KIF17: variants seen among roughly 807,000 people sequenced by gnomAD.
KIF17 encodes the protein kinesin-like protein KIF17.
In KIF17, 80 loss-of-function variants were observed where a neutral mutation model predicts 96.8. That is an observed-to-expected ratio of 0.83 (90% CI 0.69 to 1.00). KIF17 has a LOEUF of 1.00. KIF17 is among the 50% of genes least tolerant of loss of function. The pLI is 0.00. For synonymous variants in KIF17, 567 were observed against 587.5 expected, an observed-to-expected ratio of 0.97 and a Z score of 0.51; for missense variants, 1,280 against 1,372.9, an observed-to-expected ratio of 0.93 and a Z score of 1.07.
In KIF17 at chr1:20,700,753, CT is replaced by C. The variant is rs1337579899; in HGVS notation, c.1124-2266del. Among the ~76,000 whole-genome samples, 2 of 152,180 alleles carry C rather than the reference CT, an allele frequency of 1.3e-5. No individual in the cohort carries two copies. The highest frequency in any genetic ancestry group is 4.8e-5 in the African/African-American group (2 of 41,428). The stretch of plus-strand genomic sequence containing the variant: ...GTAAACCACGAGTCAGTGAGTCCAT[CT>C]TTGGTATATAAACCAGCCGAACCCG... On this transcript the variant is annotated intron_variant, in intron 5 of 14. Transcript: ENST00000400463. This position sits in a 1 kb window ranked among gnomAD's most constrained non-coding sequence, Gnocchi z 4.6.
intron 11 of KIF17, among the ~76,000 whole-genome samples, chr1:20,673,377 TTTTGTTTG>T (rs35008753): frequency 6.3e-4 from 95 of 150,590 alleles, no homozygotes; most frequent in Non-Finnish European, 1.2e-3. Flanking sequence ...GTTCCATTTC[TTTTGTTTG>T]TTTGTTTGTT....
At position 20,704,929 on chromosome 1, in the gene KIF17, G is replaced by C; in HGVS notation, c.671-30C>G. 6.3e-7 allele frequency: 1 copy of C among 1,585,194 alleles called. No individual in the cohort carries two copies. Among genetic ancestry groups the C allele is most frequent in the Non-Finnish European group, 8.6e-7 (1 of 1,168,296 alleles). ...ACACAGACCAGGCAAAGTGGCGAGG[G>C]CCTCGGGTGAGCCCTATGTATCGAG... is the stretch of plus-strand genomic sequence containing the variant. On this transcript the variant is annotated intron_variant, in intron 4 of 14. Coordinates refer to ENST00000400463, the MANE Select transcript of KIF17 (RefSeq NM_001122819.3). This position sits in a 1 kb window ranked among gnomAD's most constrained non-coding sequence, Gnocchi z 6.8.
rs147080288 is a variant in KIF17 at position 20,704,545 on chromosome 1, T to C, written c.1025A>G (p.Asn342Ser). 2.0e-5 allele frequency: 33 copies of C among 1,614,204 alleles called. No individual in the cohort carries two copies. The African/African-American group carries it at 2.9e-4, about 14-fold the overall frequency. ...AAGCAGCGCATCCTTGGGGTCCTCA[T>C]TGATGCGCGGCTTGTTCCTGATGTT... ...AKNIRNKPRINEDPKDALLRE... is the reference protein window; with the variant it reads ...AKNIRNKPRISEDPKDALLRE... Residue 342 changes from asparagine to serine, a missense_variant, in exon 5 of 15, where the codon AAT (asparagine) becomes AGT (serine). Physicochemically the swap from Asn to Ser is conservative, Grantham distance 46. Transcript: ENST00000400463. This position sits in a 1 kb window ranked among gnomAD's most constrained non-coding sequence, Gnocchi z 6.8.
intron 4 of KIF17, among the ~76,000 whole-genome samples, chr1:20,707,012 C>T (rs528003740): frequency 6.6e-6 from 1 of 151,964 alleles, no homozygotes; most frequent in South Asian, 2.1e-4. Context: ...GGGAGGGATG[C>T]TTGAGCCCAG....
chr1:20,666,370 T>C (rs2053528886), intron 13 of KIF17, 39 bp from the exon 14 acceptor site: 4 of 1,511,054 alleles, frequency 2.6e-6, no homozygotes, highest in Non-Finnish European at 3.7e-6. Context: ...GTCCCCTTGT[T>C]TGTGCCCCTG....
At position 20,712,835 on chromosome 1, in the gene KIF17, ATTATAG is replaced by A. The variant is rs1349240278; in HGVS notation, c.480+613_480+618del. 5.3e-4 allele frequency among the ~76,000 whole-genome samples: 13 copies of A among 24,350 alleles called. 2 individuals are homozygous for A. The South Asian group carries it at 7.4e-3, about 14-fold the overall frequency. The allele number at this position is 24,350 out of a possible 152,430, so 16.0% of individuals were successfully genotyped here. A position where few individuals can be genotyped will look rare whatever the true frequency, so the allele number is the denominator to read the frequency against. On this transcript the variant is annotated intron_variant, in intron 3 of 14. Transcript: ENST00000400463. ...TATATATAATATAGATATTATCTAT[ATTATAG>A]ATATAGATAATATTATCTATATTAT...
chr1:20,681,380 C>T (rs554852802), intron 11 of KIF17, among the ~76,000 whole-genome samples: 16 of 151,622 alleles, frequency 1.1e-4, no homozygotes, highest in Middle Eastern at 3.4e-3. Flanking sequence ...TTAGTAGAGA[C>T]GGCATTTCAC....
intron 3 of KIF17, among the ~76,000 whole-genome samples, chr1:20,712,842 A>ATATTATCTATAT (rs1557607003): frequency 4.8e-4 from 6 of 12,500 alleles, no homozygotes; most frequent in East Asian, 6.5e-3. Context: ...TATATTATAG[A>ATATTATCTATAT]TATAGATAAT....
At position 20,685,993 on chromosome 1, in the gene KIF17, A is replaced by G. The variant is rs1360941171; in HGVS notation, c.2019+53T>C. On this transcript the variant is annotated intron_variant, in intron 9 of 14. Coordinates refer to ENST00000400463, the MANE Select transcript of KIF17 (RefSeq NM_001122819.3). The surrounding 1 kb of genome is among the most constrained non-coding windows in gnomAD (Gnocchi z 4.1). ...GGGAGAAGACAAGCTGGAGTTTCCC[A>G]GGAAGTTGAAGAGAACCCCGTCCCC... The G allele has an allele frequency of 7.2e-7, 1 of 1,398,100 alleles. No individual in the cohort carries two copies. Among genetic ancestry groups the G allele is most frequent in the African/African-American group, 1.4e-5 (1 of 69,476 alleles). The allele number at this position is 1,398,100 out of a possible 1,614,324, so 86.6% of individuals were successfully genotyped here. A position where few individuals can be genotyped will look rare whatever the true frequency, so the allele number is the denominator to read the frequency against.
intron 14 of KIF17, among the ~76,000 whole-genome samples, chr1:20,665,866 G>GT (rs1557578591): frequency 1.3e-5 from 2 of 152,208 alleles, no homozygotes; most frequent in Non-Finnish European, 2.9e-5. Flanking sequence ...CAATGCTGGC[G>GT]TGTGACTCGC....
At chr1:20,665,003 C>G (rs942990781) in intron 14 of KIF17, among the ~76,000 whole-genome samples, 3 of 152,164 alleles carry the variant, frequency 2.0e-5, no homozygotes, top group African/African-American at 7.2e-5. Context: ...TTTAAAGCAT[C>G]AGACTGAGGC....
rs12757034 is a variant in KIF17, at chr1:20,700,008, C to T, written c.1124-1520G>A. On this transcript the variant is annotated intron_variant, in intron 5 of 14. Transcript: ENST00000400463. This position sits in a 1 kb window ranked among gnomAD's most constrained non-coding sequence, Gnocchi z 4.6. ...GGGTTAGGCACGAGGAGACCCGTTG[C>T]GGGGGCGTGCAGAAACTCAGTCTGG... Among the ~76,000 whole-genome samples, 1 of 152,058 alleles carries T rather than the reference C, an allele frequency of 6.6e-6. No homozygotes were observed. The highest frequency in any genetic ancestry group is 2.4e-5 in the African/African-American group (1 of 41,368).
At chr1:20,665,293 T>TGTCAGCTCACTGC (rs2053507529) in intron 14 of KIF17, among the ~76,000 whole-genome samples, 1 of 144,706 alleles carries the variant, frequency 6.9e-6, no homozygotes, top group Non-Finnish European at 1.5e-5. Flanking sequence ...AGTGGCACTG[T>TGTCAGCTCACTGC]GTCAGCTCAC....
At chr1:20,689,991 T>A (rs1025546083) in intron 7 of KIF17, among the ~76,000 whole-genome samples, 197 bp downstream of exon 7, 2 of 152,192 alleles carry the variant, frequency 1.3e-5, no homozygotes, top group African/African-American at 4.8e-5. Flanking sequence ...ATGGGCAAGT[T>A]ACCTACCCTC....
chr1:20,671,778 G>T (rs2053651390), intron 12 of KIF17, among the ~76,000 whole-genome samples, 160 bp downstream of exon 12: 1 of 152,156 alleles, frequency 6.6e-6, no homozygotes, highest in Non-Finnish European at 1.5e-5. Flanking sequence ...TCTGCCTCCA[G>T]AACACACCAC....
At chr1:20,702,857 G>A (rs1428898559) in intron 5 of KIF17, among the ~76,000 whole-genome samples, 1 of 152,146 alleles carries the variant, frequency 6.6e-6, no homozygotes, top group Non-Finnish European at 1.5e-5. Flanking sequence ...TGCATGTGAT[G>A]GTCCATTGGA....
chr1:20,682,747 T>C lies in KIF17; in HGVS notation c.2369A>G (p.Glu790Gly). 1 of 1,613,390 alleles carries C rather than the reference T, an allele frequency of 6.2e-7. No individual in the cohort carries two copies. The highest frequency in any genetic ancestry group is 1.3e-5 in the African/African-American group (1 of 75,058). ...AAGCAGCACCCAGTCCCCGCTGTCC[T>C]CATCCGAGTTCTGCAGGGCAGCCAC... ...QLVAALQNSDEDSGDWVLLNV... is the reference protein window; with the variant it reads ...QLVAALQNSDGDSGDWVLLNV... The change falls in exon 11 of 15, where the codon GAG becomes GGG. Residue 790 changes from glutamate to glycine, a missense_variant. By Grantham distance (98) the Glu-to-Gly change is moderately conservative. Transcript: ENST00000400463.
chr1:20,666,077 T>G (rs2053521884), intron 14 of KIF17, 137 bp downstream of exon 14: 1 of 766,976 alleles, frequency 1.3e-6, no homozygotes, highest in East Asian at 2.5e-5. Context: ...GTTACCCCCC[T>G]CATTTTGTAG....
At chr1:20,677,470 A>G (rs565525530) in intron 11 of KIF17, among the ~76,000 whole-genome samples, 26 of 152,334 alleles carry the variant, frequency 1.7e-4, no homozygotes, top group Non-Finnish European at 3.1e-4. Context: ...TATTATTACA[A>G]GATATTGGAA....
Sources: allele counts gnomAD v4.1 joint callset (sites outside exome capture counted in the v4.1 genomes callset), GRCh38; gene constraint gnomAD v4.1.1; non-coding constraint Gnocchi (gnomAD v3.1); transcripts MANE v1.5; gene names NCBI Gene and HGNC (gene_info 2026-07-23, HGNC 2026-07-21).